Variants in PTPRD observed in about 807,000 individuals in gnomAD.
The protein encoded by PTPRD is receptor-type tyrosine-protein phosphatase delta.
In PTPRD, 34 loss-of-function variants were observed where a neutral mutation model predicts 214.5. That is an observed-to-expected ratio of 0.16 (90% CI 0.12 to 0.21). PTPRD has a LOEUF of 0.21. Among genes scored for constraint, PTPRD ranks in the 10% least tolerant of loss-of-function variants. The pLI is 1.00. For missense variants in PTPRD, 2,545 were observed against 2,398.7 expected, an observed-to-expected ratio of 1.06 and a Z score of -1.27; for synonymous variants, 1,128 against 845.7, an observed-to-expected ratio of 1.33 and a Z score of -5.79.
At chr9:8,496,462 G>C (rs1281199771) in intron 26 of PTPRD, among the ~76,000 whole-genome samples, 1 of 152,104 alleles carries the variant, frequency 6.6e-6, no homozygotes, top group African/African-American at 2.4e-5. Context: ...AGAAAGGCAG[G>C]TGTCACATCA....
intron 8 of PTPRD, among the ~76,000 whole-genome samples, chr9:9,457,860 A>T (rs1175068023): frequency 6.6e-6 from 1 of 152,068 alleles, no homozygotes; most frequent in Non-Finnish European, 1.5e-5. Flanking sequence ...CAAAGGGCAT[A>T]GAGCAGTCCA....
intron 11 of PTPRD, among the ~76,000 whole-genome samples, chr9:8,795,057 C>A (rs576510168): frequency 8.3e-4 from 127 of 152,236 alleles, no homozygotes; most frequent in African/African-American, 2.8e-3. Context: ...AAAAATGGAA[C>A]CTTTTCAAAT....
chr9:10,156,695 T>A (rs1287512003), intron 3 of PTPRD, among the ~76,000 whole-genome samples: 1 of 152,192 alleles, frequency 6.6e-6, no homozygotes, highest in Non-Finnish European at 1.5e-5. Flanking sequence ...CTTTGTTAAT[T>A]TTCTGCCTCA....
At chr9:8,587,545 C>T (rs2093759857) in intron 14 of PTPRD, among the ~76,000 whole-genome samples, 1 of 152,074 alleles carries the variant, frequency 6.6e-6, no homozygotes, top group Non-Finnish European at 1.5e-5. Context: ...AAAATATAAC[C>T]TTCTATATAA....
At chr9:8,545,828 T>C (rs553828602) in intron 14 of PTPRD, among the ~76,000 whole-genome samples, 3 of 152,366 alleles carry the variant, frequency 2.0e-5, no homozygotes, top group East Asian at 3.9e-4. Context: ...TGAATTATTA[T>C]AGACATACTT....
chr9:8,660,346 G>A (rs150511079), intron 12 of PTPRD, among the ~76,000 whole-genome samples: 6 of 152,146 alleles, frequency 3.9e-5, no homozygotes, highest in South Asian at 4.2e-4. Flanking sequence ...TTCCTTTTCC[G>A]CTTTTGATTC....
chr9:9,701,462 A>G (rs1173223318), intron 7 of PTPRD, among the ~76,000 whole-genome samples: 1 of 152,184 alleles, frequency 6.6e-6, no homozygotes, highest in Non-Finnish European at 1.5e-5. Context: ...CAGTTGTACT[A>G]AAGAGTTAGT....
chr9:8,639,787 G>C (rs1210252033), intron 12 of PTPRD, among the ~76,000 whole-genome samples: 3 of 152,172 alleles, frequency 2.0e-5, no homozygotes. Flanking sequence ...GTGAGGACAA[G>C]TCAAATTAAA....
chr9:9,083,220 C>G (rs116974110), intron 10 of PTPRD, among the ~76,000 whole-genome samples: 22 of 152,204 alleles, frequency 1.4e-4, no homozygotes, highest in Non-Finnish European at 3.2e-4. Flanking sequence ...AACAATGGAA[C>G]AGAACCCAGG....
chr9:10,481,779 G>A (rs1040758709), intron 2 of PTPRD, among the ~76,000 whole-genome samples: 18 of 152,056 alleles, frequency 1.2e-4, no homozygotes, highest in Admixed American at 2.0e-4. Context: ...AGACAAAACC[G>A]AAGAGCAGTA....
chr9:9,291,309 G>A (rs1951061433), intron 9 of PTPRD, among the ~76,000 whole-genome samples: 1 of 151,326 alleles, frequency 6.6e-6, no homozygotes, highest in Admixed American at 6.6e-5. Flanking sequence ...TTATAAGATG[G>A]TTCTTTTAAA....
intron 8 of PTPRD, among the ~76,000 whole-genome samples, chr9:9,412,292 C>T (rs12006196): frequency 0.25 from 37,391 of 151,918 alleles, 5,040 homozygotes; most frequent in African/African-American, 0.35. Context: ...TGGCAAGTGA[C>T]AAGTGTAATA....
chr9:9,716,437 C>G (rs921226263), intron 7 of PTPRD, among the ~76,000 whole-genome samples: 2 of 151,934 alleles, frequency 1.3e-5, no homozygotes, highest in Non-Finnish European at 2.9e-5. Flanking sequence ...ACACTGACTT[C>G]CACAAGGGTT....
intron 11 of PTPRD, among the ~76,000 whole-genome samples, chr9:8,753,931 G>A (rs567810371): frequency 1.3e-5 from 2 of 152,140 alleles, no homozygotes; most frequent in African/African-American, 4.8e-5. Flanking sequence ...GATCACCTGA[G>A]GTCAGGAGTT....
chr9:9,667,400 T>C (rs1002448024), intron 7 of PTPRD, among the ~76,000 whole-genome samples: 10 of 152,134 alleles, frequency 6.6e-5, no homozygotes, highest in Non-Finnish European at 8.8e-5. Context: ...CTATGCGTAT[T>C]GTGATCACAG....
intron 3 of PTPRD, among the ~76,000 whole-genome samples, chr9:10,309,901 T>C (rs1158182292): frequency 6.6e-6 from 1 of 152,078 alleles, no homozygotes; most frequent in Non-Finnish European, 1.5e-5. Flanking sequence ...TAGCACCTTA[T>C]CACTTGGTAT....
rs374857397 is a variant in PTPRD, at chr9:8,983,456, C to G, written c.-104+35241G>C. ...CGAGTTAGTGTTCAATACGTTTTCT[C>G]TTAAGTGACTTTTTTGTGTTTAGGA... On this transcript the variant is annotated intron_variant, in intron 11 of 45. Transcript: ENST00000381196. Among the ~76,000 whole-genome samples, 17 of 152,068 alleles carry G rather than the reference C, an allele frequency of 1.1e-4. No homozygotes were observed. The East Asian group carries it at 1.7e-3, about 16-fold the overall frequency.
At chr9:9,267,942 A>C (rs944242952) in intron 9 of PTPRD, among the ~76,000 whole-genome samples, 1 of 151,232 alleles carries the variant, frequency 6.6e-6, no homozygotes, top group African/African-American at 2.4e-5. Flanking sequence ...TGAAAAGTTA[A>C]AAGCTTTTCC....
chr9:9,762,890 T>C (rs2098672129), intron 6 of PTPRD, among the ~76,000 whole-genome samples: 1 of 152,210 alleles, frequency 6.6e-6, no homozygotes, highest in Non-Finnish European at 1.5e-5. Flanking sequence ...AAATGAAATT[T>C]CTTTCTCACA....
Sources: gnomAD v4.1 joint callset for allele counts (sites outside exome capture counted in the v4.1 genomes callset) on GRCh38, gnomAD v4.1.1 for gene constraint, MANE v1.5 for transcripts, NCBI Gene and HGNC (gene_info 2026-07-23, HGNC 2026-07-21) for gene names.